The following ZBTB20 variants were observed in gnomAD, a reference collection of about 807,000 sequenced individuals.
The protein encoded by ZBTB20 is zinc finger and BTB domain-containing protein 20.
ZBTB20 carries 9 observed loss-of-function variants against 56.9 expected under a neutral mutation model. That is an observed-to-expected ratio of 0.16 (90% CI 0.10 to 0.28). The LOEUF (loss-of-function observed/expected upper bound fraction) is 0.28. Among genes scored for constraint, ZBTB20 ranks in the 10% least tolerant of loss-of-function variants. The pLI, the probability that ZBTB20 is intolerant of heterozygous loss-of-function variation, is 1.00. For missense variants in ZBTB20, 655 were observed against 1,003.0 expected (o/e 0.65, Z 4.69); for synonymous variants, 417 against 420.7 (o/e 0.99, Z 0.11).
At chr3:114,589,575 C>G (rs180842333) in intron 6 of ZBTB20, among the ~76,000 whole-genome samples, 1 of 152,296 alleles carries the variant, frequency 6.6e-6, no homozygotes, top group African/African-American at 2.4e-5. Context: ...AGCAGGGACA[C>G]TTTTGACAGT....
At chr3:115,145,526 T>C (rs1403703872) in intron 1 of ZBTB20, among the ~76,000 whole-genome samples, 1 of 152,234 alleles carries the variant, frequency 6.6e-6, no homozygotes, top group Non-Finnish European at 1.5e-5. Context: ...CATGTATTAA[T>C]AAATCGTTGT....
intron 4 of ZBTB20, among the ~76,000 whole-genome samples, chr3:114,878,563 C>G (rs1289524937): frequency 2.6e-5 from 3 of 117,170 alleles, no homozygotes; most frequent in Non-Finnish European, 5.4e-5. Flanking sequence ...ACCTGCATGA[C>G]TCTTGGAGAA....
At chr3:114,479,943 G>A (rs961893517) in intron 7 of ZBTB20, among the ~76,000 whole-genome samples, 1 of 152,154 alleles carries the variant, frequency 6.6e-6, no homozygotes, top group Non-Finnish European at 1.5e-5. Flanking sequence ...ACCCGCTCAG[G>A]GTTAGCAGCA....
chr3:114,987,593 CATGCTGAAGAA>C (rs2078603275), intron 2 of ZBTB20, among the ~76,000 whole-genome samples: 1 of 151,586 alleles, frequency 6.6e-6, no homozygotes, highest in Non-Finnish European at 1.5e-5. Flanking sequence ...GTTTGTTCAG[CATGCTGAAGAA>C]AAGTATTTCC....
intron 7 of ZBTB20, among the ~76,000 whole-genome samples, chr3:114,441,728 A>G (rs984797480): frequency 2.0e-5 from 3 of 152,142 alleles, no homozygotes; most frequent in African/African-American, 7.2e-5. Context: ...CACACCGGTG[A>G]ATATAATTCA....
chr3:114,720,509 C>T (rs994583905), intron 5 of ZBTB20, among the ~76,000 whole-genome samples: 3 of 151,970 alleles, frequency 2.0e-5, no homozygotes, highest in South Asian at 4.2e-4. Flanking sequence ...TATCCATATC[C>T]ACATGCCAAG....
intron 2 of ZBTB20, among the ~76,000 whole-genome samples, chr3:115,061,349 C>T (rs1411520424): frequency 6.6e-6 from 1 of 152,146 alleles, no homozygotes; most frequent in Non-Finnish European, 1.5e-5. Flanking sequence ...TCAGTGAATA[C>T]ATACATTGTG....
At chr3:114,658,403 T>C (rs1029587632) in intron 6 of ZBTB20, 1 of 152,186 alleles carries the variant, frequency 6.6e-6, no homozygotes, top group Admixed American at 6.5e-5. Context: ...TTAAAAATAG[T>C]ATTGTAACAT....
intron 4 of ZBTB20, among the ~76,000 whole-genome samples, chr3:114,867,539 G>A (rs921091571): frequency 6.6e-6 from 1 of 152,086 alleles, no homozygotes. Context: ...AGATTCCAGC[G>A]ATTCTCATGA....
intron 3 of ZBTB20, among the ~76,000 whole-genome samples, chr3:114,925,179 T>C (rs2076109777): frequency 6.6e-6 from 1 of 151,962 alleles, no homozygotes. Context: ...AGATGGGGTT[T>C]CACCACGTTA....
chr3:115,136,719 T>G (rs544995089), intron 1 of ZBTB20, among the ~76,000 whole-genome samples: 18 of 152,242 alleles, frequency 1.2e-4, no homozygotes, highest in African/African-American at 3.4e-4. Flanking sequence ...TAACAACAAA[T>G]GTTGAGACTG....
intron 4 of ZBTB20, among the ~76,000 whole-genome samples, chr3:114,883,541 A>T (rs1299458355): frequency 6.6e-6 from 1 of 152,174 alleles, no homozygotes; most frequent in Admixed American, 6.5e-5. Context: ...TCAGGTATAT[A>T]TTGCCACAAG....
At chr3:115,121,211 A>T (rs1438694407) in intron 1 of ZBTB20, among the ~76,000 whole-genome samples, 3 of 151,976 alleles carry the variant, frequency 2.0e-5, no homozygotes, top group Non-Finnish European at 4.4e-5. Context: ...CATTGGGCTG[A>T]TTTACTTTAT....
chr3:115,092,062 T>C (rs1044682213), intron 1 of ZBTB20, among the ~76,000 whole-genome samples: 3 of 152,130 alleles, frequency 2.0e-5, no homozygotes, highest in South Asian at 4.1e-4. Context: ...TACTTCCCTG[T>C]TTATGCCTAG....
In ZBTB20 at chr3:114,532,365, C is replaced by T. The variant is rs568897032; in HGVS notation, c.-294-31974G>A. ...TTTTCCCCTCACAGTGAAAACAAAG[C>T]CACCAGGAAGTTCAAACTGGGTGGA... On this transcript the variant is annotated intron_variant, in intron 6 of 11. Transcript: ENST00000675478. Among the ~76,000 whole-genome samples, 23 of 152,240 alleles carry T rather than the reference C, an allele frequency of 1.5e-4. 1 individual carries two copies. In the South Asian group the frequency reaches 4.8e-3, roughly 32 times the overall value.
In ZBTB20 at chr3:115,133,355, C is replaced by T. The variant is rs554385452; in HGVS notation, c.-703+13864G>A. Reference sequence around the variant, plus strand: ...TTTCTAATTGTGTACTTTTGTCATTCTTTTTCCTAAAGCTTTATTAGTGAA... The same window carrying T: ...TTTCTAATTGTGTACTTTTGTCATTTTTTTTCCTAAAGCTTTATTAGTGAA... On this transcript the variant is annotated intron_variant, in intron 1 of 11. Coordinates refer to ENST00000675478, the MANE Select transcript of ZBTB20 (RefSeq NM_001348800.3). 9.3e-4 allele frequency among the ~76,000 whole-genome samples: 142 copies of T among 152,076 alleles called. 8 individuals carry two copies. The highest frequency in any genetic ancestry group is 5.0e-3 in the South Asian group (24 of 4,816).
chr3:115,030,203 T>C (rs1014821990), intron 2 of ZBTB20, among the ~76,000 whole-genome samples: 8 of 151,294 alleles, frequency 5.3e-5, no homozygotes, highest in African/African-American at 1.7e-4. Flanking sequence ...CTTTTATACA[T>C]ATAGTCCCCT....
At chr3:114,814,227 A>T in intron 4 of ZBTB20, among the ~76,000 whole-genome samples, 1 of 149,360 alleles carries the variant, frequency 6.7e-6, no homozygotes, top group South Asian at 2.1e-4. Context: ...TTTATTTTTT[A>T]TTTACTTAAT....
chr3:114,545,927 T>C (rs1034948735), intron 6 of ZBTB20, among the ~76,000 whole-genome samples: 2 of 152,162 alleles, frequency 1.3e-5, no homozygotes, highest in African/African-American at 2.4e-5. Context: ...CAGATTTTAT[T>C]AGGTGGGCTA....
Sources: allele counts gnomAD v4.1 joint callset (sites outside exome capture counted in the v4.1 genomes callset), GRCh38; gene constraint gnomAD v4.1.1; transcripts MANE v1.5; gene names NCBI Gene and HGNC (gene_info 2026-07-23, HGNC 2026-07-21).